CTDP1: variants seen among roughly 807,000 people sequenced by gnomAD.
CTDP1 encodes the protein CTD phosphatase 1.
Under a neutral mutation model 91.8 loss-of-function variants are expected in CTDP1, and 47 were observed. The ratio of observed to expected loss-of-function variants is 0.51; its 90% CI spans 0.41 to 0.65. The LOEUF (loss-of-function observed/expected upper bound fraction) is 0.65. CTDP1 is among the 30% of genes least tolerant of loss of function. The probability of loss-of-function intolerance (pLI) is 0.00; values close to 1 mark genes in which losing one functional copy is unlikely to be tolerated. For missense variants in CTDP1, 1,272 were observed against 1,373.7 expected, an observed-to-expected ratio of 0.93 and a Z score of 1.17; for synonymous variants, 656 against 598.5, an observed-to-expected ratio of 1.10 and a Z score of -1.40.
At chr18:79,696,407 G>A (rs888794883) in intron 3 of CTDP1, among the ~76,000 whole-genome samples, 1 of 152,194 alleles carries the variant, frequency 6.6e-6, no homozygotes, top group African/African-American at 2.4e-5. Context: ...GGAGGGATGT[G>A]ACAGCTGCTC....
chr18:79,756,610 T>C (rs2087095891), downstream of CTDP1: 1 of 152,238 alleles, frequency 6.6e-6, no homozygotes, highest in South Asian at 2.1e-4. Context: ...AATAAAGTCT[T>C]AAGAAGAAAC....
intron 5 of CTDP1, 39 bp downstream of exon 5, chr18:79,704,956 G>A: frequency 6.2e-7 from 1 of 1,610,614 alleles, no homozygotes; most frequent in Non-Finnish European, 8.5e-7. Context: ...TGTGAACAGT[G>A]GGTTTCTTTC....
intron 8 of CTDP1, 64 bp downstream of exon 8, chr18:79,715,592 T>TA: frequency 6.9e-7 from 1 of 1,453,500 alleles, no homozygotes; most frequent in Non-Finnish European, 9.3e-7. Flanking sequence ...AGGCACTCCT[T>TA]AGAGTTGGCA....
intron 12 of CTDP1, among the ~76,000 whole-genome samples, chr18:79,747,979 A>G (rs114645760): frequency 6.6e-6 from 1 of 152,304 alleles, no homozygotes; most frequent in African/African-American, 2.4e-5. Context: ...TGGGGTATAC[A>G]TATATATTAT....
intron 1 of CTDP1, among the ~76,000 whole-genome samples, chr18:79,689,340 A>G (rs1427304991): frequency 1.3e-5 from 2 of 152,124 alleles, no homozygotes; most frequent in Non-Finnish European, 2.9e-5. Flanking sequence ...ATACTTTGTT[A>G]CCACATAAAT....
intron 1 of CTDP1, among the ~76,000 whole-genome samples, chr18:79,686,270 T>C (rs1007276449): frequency 6.6e-6 from 1 of 152,232 alleles, no homozygotes; most frequent in Non-Finnish European, 1.5e-5. Flanking sequence ...TTAAAGTGGG[T>C]TATGTGAAAT....
At chr18:79,701,529 T>TTAAATAAATAAA (rs146187493) in intron 4 of CTDP1, among the ~76,000 whole-genome samples, 1 of 143,360 alleles carries the variant, frequency 7.0e-6, no homozygotes, top group African/African-American at 2.6e-5. Context: ...AATAAATAAA[T>TTAAATAAATAAA]TAAATAAATA....
At chr18:79,697,729 G>A (rs2085775665) in intron 3 of CTDP1, 131 bp from the exon 4 acceptor site, 1 of 1,373,234 alleles carries the variant, frequency 7.3e-7, no homozygotes, top group South Asian at 1.2e-5. Context: ...GGCCTGTACG[G>A]CGCAGTCCAT....
intron 12 of CTDP1, among the ~76,000 whole-genome samples, chr18:79,748,693 C>T (rs1010550263): frequency 1.3e-5 from 2 of 152,216 alleles, no homozygotes; most frequent in African/African-American, 4.8e-5. Flanking sequence ...GAAACTGTTC[C>T]CAGCGAATGC....
At position 79,710,453 on chromosome 18, in the gene CTDP1, G is replaced by A. The variant is rs1412277388; in HGVS notation, c.863+17G>A. On this transcript the variant is annotated intron_variant, in intron 6 of 12. Transcript: ENST00000613122. ...AAACCTTAGGTATGTACCCAGCCGC[G>A]CTCCTCACAAAGACCTCGCTGTTCA... The A allele has an allele frequency of 3.2e-6, 5 of 1,561,386 alleles. No individual in the cohort carries two copies. Among genetic ancestry groups the A allele is most frequent in the Admixed American group, 1.7e-5 (1 of 59,902 alleles).
chr18:79,751,149 G>A (rs1266832764), intron 12 of CTDP1, among the ~76,000 whole-genome samples: 1 of 131,172 alleles, frequency 7.6e-6, no homozygotes, highest in Non-Finnish European at 1.6e-5. Flanking sequence ...GCAGGCCGGG[G>A]AGGGAGGGGC....
At chr18:79,733,602 C>T (rs1331712768) in intron 11 of CTDP1, among the ~76,000 whole-genome samples, 3 of 151,756 alleles carry the variant, frequency 2.0e-5, no homozygotes, top group Admixed American at 6.6e-5. Flanking sequence ...CTCGTTTCTG[C>T]GTGTTCTGCT....
chr18:79,710,974 G>A (rs982629907), intron 6 of CTDP1, among the ~76,000 whole-genome samples: 2 of 152,070 alleles, frequency 1.3e-5, no homozygotes, highest in Non-Finnish European at 2.9e-5. Flanking sequence ...AGGTGCCTGA[G>A]CCCTGGTGCT....
intron 1 of CTDP1, among the ~76,000 whole-genome samples, chr18:79,687,808 G>C (rs2085536645): frequency 6.6e-6 from 1 of 152,242 alleles, no homozygotes; most frequent in Non-Finnish European, 1.5e-5. Flanking sequence ...CCTGGGGTCT[G>C]TGGAGGTTCT....
chr18:79,740,871 A>G (rs556610538), intron 12 of CTDP1, among the ~76,000 whole-genome samples: 1 of 152,224 alleles, frequency 6.6e-6, no homozygotes, highest in Non-Finnish European at 1.5e-5. Flanking sequence ...CAAACAAGTC[A>G]TCTTCAGAAT....
At chr18:79,727,636 T>C (rs2086478262) in intron 10 of CTDP1, among the ~76,000 whole-genome samples, 1 of 152,214 alleles carries the variant, frequency 6.6e-6, no homozygotes, top group African/African-American at 2.4e-5. Context: ...GAAAATCTTC[T>C]CTCCATTAGT....
chr18:79,741,491 C>T (rs2086777333), intron 12 of CTDP1, among the ~76,000 whole-genome samples: 1 of 152,246 alleles, frequency 6.6e-6, no homozygotes, highest in Admixed American at 6.5e-5. Flanking sequence ...TGGTCGTTCC[C>T]ATGATCTGTT....
upstream of CTDP1, among the ~76,000 whole-genome samples, chr18:79,676,789 T>C (rs1294323645): frequency 1.3e-5 from 2 of 152,220 alleles, no homozygotes; most frequent in Non-Finnish European, 2.9e-5. Flanking sequence ...TTCCTGACTG[T>C]GGCCTCACTT....
chr18:79,706,104 C>T (rs1358352960), intron 5 of CTDP1, among the ~76,000 whole-genome samples: 1 of 152,202 alleles, frequency 6.6e-6, no homozygotes, highest in Non-Finnish European at 1.5e-5. Flanking sequence ...CTGTGGACTC[C>T]ATCCTCGTGA....
Sources: allele counts gnomAD v4.1 joint callset (sites outside exome capture counted in the v4.1 genomes callset), GRCh38; gene constraint gnomAD v4.1.1; transcripts MANE v1.5; gene names NCBI Gene and HGNC (gene_info 2026-07-23, HGNC 2026-07-21).